Variants in OSTF1 observed in about 807,000 individuals in gnomAD.
OSTF1 encodes osteoclast-stimulating factor 1.
In OSTF1, 27 loss-of-function variants were observed where a neutral mutation model predicts 37.2. The observed-to-expected ratio is 0.73, with a 90% CI of 0.54 to 1.00. OSTF1 has a LOEUF of 1.00. Ranked by LOEUF, OSTF1 falls within the 50% of genes least tolerant of loss-of-function variation. The pLI is 0.00. For missense variants in OSTF1, 232 were observed against 253.8 expected (o/e 0.91, Z 0.58); for synonymous variants, 82 against 89.2 (o/e 0.92, Z 0.46).
chr9:75,089,038 G>C, intron 1 of OSTF1, among the ~76,000 whole-genome samples: 1 of 152,208 alleles, frequency 6.6e-6, no homozygotes, highest in East Asian at 1.9e-4. Context: ...GAAGTTTTCC[G>C]GAAAGACAGG....
chr9:75,141,918 T>A (rs1426220104), intron 9 of OSTF1, among the ~76,000 whole-genome samples: 1 of 152,118 alleles, frequency 6.6e-6, no homozygotes, highest in Admixed American at 6.5e-5. Context: ...CAGCTAATTT[T>A]TTTTTTAATG....
chr9:75,100,661 G>A (rs1027725768), intron 1 of OSTF1, among the ~76,000 whole-genome samples: 4 of 151,786 alleles, frequency 2.6e-5, no homozygotes, highest in Non-Finnish European at 4.4e-5. Flanking sequence ...AACCTGGGAG[G>A]CGGATGTTGC....
intron 1 of OSTF1, among the ~76,000 whole-genome samples, chr9:75,097,267 G>A (rs190012503): frequency 2.1e-4 from 32 of 152,328 alleles, no homozygotes; most frequent in Admixed American, 3.3e-4. Flanking sequence ...AAGCTGAAAT[G>A]TGAGGTAGGA....
rs1032636643 is a variant in OSTF1, at chr9:75,133,389, G to A, written c.346G>A (p.Gly116Arg). ...GSTALYWACH[G>R]GHKDIVEMLF... ...CACTGCCTTATACTGGGCTTGCCAC[G>A]GGGGCCACAAAGGTATTACATTTTG... The change falls in exon 6 of 10, where the codon GGG becomes AGG. Residue 116 changes from glycine to arginine, a missense_variant. Coordinates refer to ENST00000346234, the MANE Select transcript of OSTF1 (RefSeq NM_012383.5). 5.0e-6 allele frequency: 8 copies of A among 1,595,120 alleles called. No homozygotes were observed. Among genetic ancestry groups the A allele is most frequent in the African/African-American group, 1.3e-5 (1 of 74,678 alleles).
chr9:75,099,685 C>T (rs139423051), intron 1 of OSTF1, among the ~76,000 whole-genome samples: 41 of 152,222 alleles, frequency 2.7e-4, no homozygotes, highest in African/African-American at 7.9e-4. Context: ...ACAAATTAGC[C>T]GGGTGTGGTG....
intron 6 of OSTF1, among the ~76,000 whole-genome samples, chr9:75,134,039 G>A (rs1329346617): frequency 1.3e-5 from 2 of 152,070 alleles, no homozygotes; most frequent in Non-Finnish European, 2.9e-5. Flanking sequence ...CTAAAAAGAA[G>A]CCTATCTTAT....
intron 1 of OSTF1, among the ~76,000 whole-genome samples, chr9:75,115,958 G>T (rs2118508823): frequency 6.6e-6 from 1 of 152,156 alleles, no homozygotes; most frequent in African/African-American, 2.4e-5. Flanking sequence ...ATAAAAATTA[G>T]CTGGGTATGG....
intron 2 of OSTF1, among the ~76,000 whole-genome samples, chr9:75,120,383 T>C (rs1048986496): frequency 6.6e-6 from 1 of 152,004 alleles, no homozygotes; most frequent in African/African-American, 2.4e-5. Context: ...TGTGTCCTGA[T>C]TGGTTGCATG....
intron 7 of OSTF1, among the ~76,000 whole-genome samples, chr9:75,134,937 T>C (rs1378556977): frequency 6.6e-6 from 1 of 152,378 alleles, no homozygotes; most frequent in Non-Finnish European, 1.5e-5. Flanking sequence ...TACTGTTTTA[T>C]ACAGTCTTGA....
In OSTF1 at chr9:75,088,558, A is replaced by C; in HGVS notation, c.-135A>C. On this transcript the variant is annotated 5_prime_UTR_variant, in exon 1 of 10. Transcript: ENST00000346234. Reference sequence around the variant, plus strand: ...CCTGCGTCCGCTCTTCCCGCAGCCAAGGGTGGGCGCCGGTCCTAGGAGGCG... The same window carrying C: ...CCTGCGTCCGCTCTTCCCGCAGCCACGGGTGGGCGCCGGTCCTAGGAGGCG... 1.1e-6 allele frequency: 1 copy of C among 926,358 alleles called. No homozygotes were observed. Among genetic ancestry groups the C allele is most frequent in the South Asian group, 1.4e-5 (1 of 69,622 alleles). 57.4% of individuals were successfully genotyped at this position (926,358 alleles called of 1,614,324 possible).
At chr9:75,101,206 G>A (rs1213785699) in intron 1 of OSTF1, among the ~76,000 whole-genome samples, 6 of 152,310 alleles carry the variant, frequency 3.9e-5, no homozygotes, top group South Asian at 4.1e-4. Flanking sequence ...CTGTCTAGGC[G>A]GAGCCCTGGA....
intron 9 of OSTF1, among the ~76,000 whole-genome samples, chr9:75,142,360 G>A (rs1825956985): frequency 6.6e-6 from 1 of 152,056 alleles, no homozygotes; most frequent in South Asian, 2.1e-4. Context: ...TGCCTTGATT[G>A]GGTCAGGAAG....
intron 1 of OSTF1, among the ~76,000 whole-genome samples, chr9:75,106,155 G>T (rs963129717): frequency 6.6e-6 from 1 of 152,216 alleles, no homozygotes; most frequent in African/African-American, 2.4e-5. Context: ...GAAATGTCAT[G>T]TTCAGAGTTG....
chr9:75,137,951 A>C (rs542980466), intron 8 of OSTF1, among the ~76,000 whole-genome samples: 1 of 152,324 alleles, frequency 6.6e-6, no homozygotes, highest in Non-Finnish European at 1.5e-5. Flanking sequence ...CTGTCTGAGA[A>C]AGCTGTATAG....
At chr9:75,103,585 C>G (rs1017944143) in intron 1 of OSTF1, among the ~76,000 whole-genome samples, 1 of 151,928 alleles carries the variant, frequency 6.6e-6, no homozygotes, top group African/African-American at 2.4e-5. Context: ...AAGTATATAC[C>G]CCAGAAGCTA....
intron 1 of OSTF1, among the ~76,000 whole-genome samples, chr9:75,106,524 A>G (rs1314338629): frequency 6.6e-6 from 1 of 151,884 alleles, no homozygotes; most frequent in Non-Finnish European, 1.5e-5. Context: ...GGGGGCCTGT[A>G]ATCCCAGCTA....
chr9:75,110,006 T>C (rs1825356559), intron 1 of OSTF1, among the ~76,000 whole-genome samples: 1 of 152,196 alleles, frequency 6.6e-6, no homozygotes, highest in South Asian at 2.1e-4. Flanking sequence ...GCCCCTCCAT[T>C]ATCAACATCC....
intron 1 of OSTF1, among the ~76,000 whole-genome samples, chr9:75,101,308 C>T (rs180683058): frequency 1.5e-3 from 226 of 152,286 alleles, no homozygotes; most frequent in Admixed American, 3.6e-3. Context: ...AGGAATGTGG[C>T]TCTTAGGAAC....
chr9:75,145,392 T>C (rs1335357780), intron 9 of OSTF1, among the ~76,000 whole-genome samples: 1 of 152,184 alleles, frequency 6.6e-6, no homozygotes, highest in Non-Finnish European at 1.5e-5. Context: ...ATAAATCATA[T>C]AGAATATTGT....
Sources: gnomAD v4.1 joint callset for allele counts (sites outside exome capture counted in the v4.1 genomes callset) on GRCh38, gnomAD v4.1.1 for gene constraint, MANE v1.5 for transcripts, NCBI Gene and HGNC (gene_info 2026-07-23, HGNC 2026-07-21) for gene names.